Variants in LPAR6 observed in about 807,000 individuals in gnomAD.
LPAR6 encodes G-protein coupled purinergic receptor P2Y5.
In LPAR6, 17 loss-of-function variants were observed where a neutral mutation model predicts 22.0. That is an observed-to-expected ratio of 0.77 (90% CI 0.53 to 1.16). The LOEUF (loss-of-function observed/expected upper bound fraction) is 1.16. Ranked by LOEUF, LPAR6 falls within the 50% of genes most tolerant of loss-of-function variation. The pLI is 0.00. For synonymous variants in LPAR6, 136 were observed against 139.8 expected, an observed-to-expected ratio of 0.97 and a Z score of 0.19; for missense variants, 384 against 406.9, an observed-to-expected ratio of 0.94 and a Z score of 0.48.
intron 2 of LPAR6, among the ~76,000 whole-genome samples, chr13:48,420,647 C>T (rs1948991309): frequency 6.6e-6 from 1 of 152,166 alleles, no homozygotes; most frequent in South Asian, 2.1e-4. Context: ...CCCATTATCT[C>T]AGCCCAAAAT....
upstream of LPAR6, among the ~76,000 whole-genome samples, chr13:48,413,896 T>G (rs1176315229): frequency 6.6e-6 from 1 of 152,184 alleles, no homozygotes; most frequent in Non-Finnish European, 1.5e-5. Flanking sequence ...ATCCTACTAC[T>G]TGGCAAAATT....
At chr13:48,393,171 G>A (rs1473770915) in intron 1 of LPAR6, among the ~76,000 whole-genome samples, 1 of 152,180 alleles carries the variant, frequency 6.6e-6, no homozygotes, top group African/African-American at 2.4e-5. Flanking sequence ...CCCTGGTTTT[G>A]AGTAGTATCA....
chr13:48,438,966 G>C, intron 1 of LPAR6, among the ~76,000 whole-genome samples: 1 of 152,186 alleles, frequency 6.6e-6, no homozygotes, highest in East Asian at 1.9e-4. Flanking sequence ...GAATGGATCA[G>C]TGAATGAATG....
At chr13:48,427,077 T>G (rs1390504713), upstream of LPAR6, among the ~76,000 whole-genome samples, 1 of 152,232 alleles carries the variant, frequency 6.6e-6, no homozygotes, top group Non-Finnish European at 1.5e-5. Context: ...AAGGGGGTGG[T>G]GCTAAACCAT....
At chr13:48,409,288 G>A (rs894297623), downstream of LPAR6, among the ~76,000 whole-genome samples, 1 of 151,368 alleles carries the variant, frequency 6.6e-6, no homozygotes, top group African/African-American at 2.4e-5. Context: ...TTATCTAAAG[G>A]AAACCATGGA....
At chr13:48,442,652 C>A (rs879588217) in intron 1 of LPAR6, among the ~76,000 whole-genome samples, 6 of 152,098 alleles carry the variant, frequency 3.9e-5, no homozygotes, top group Non-Finnish European at 8.8e-5. Context: ...TCTGTTAACA[C>A]CTCATTCAGA....
intron 1 of LPAR6, among the ~76,000 whole-genome samples, chr13:48,437,110 C>A (rs1475938795): frequency 1.3e-5 from 2 of 152,144 alleles, no homozygotes; most frequent in Non-Finnish European, 2.9e-5. Flanking sequence ...TCTACTTTTT[C>A]TATCAATATT....
At chr13:48,437,794 C>T (rs1037199996) in intron 1 of LPAR6, among the ~76,000 whole-genome samples, 1 of 152,198 alleles carries the variant, frequency 6.6e-6, no homozygotes, top group Non-Finnish European at 1.5e-5. Context: ...ATCACTTCTG[C>T]CCTATGTCAT....
At chr13:48,430,805 T>C (rs779662773), upstream of LPAR6, among the ~76,000 whole-genome samples, 24 of 151,586 alleles carry the variant, frequency 1.6e-4, no homozygotes, top group Non-Finnish European at 3.2e-4. Flanking sequence ...GGCTCACACC[T>C]GTAATCCCAG....
downstream of LPAR6, among the ~76,000 whole-genome samples, chr13:48,407,373 G>A (rs1948749687): frequency 6.6e-6 from 1 of 152,176 alleles, no homozygotes. Flanking sequence ...AGGAAGGTAG[G>A]AGAGGCTTAA....
intron 1 of LPAR6, chr13:48,404,277 A>AATAGGAAAG (rs1255756204): frequency 6.6e-6 from 1 of 152,220 alleles, no homozygotes; most frequent in African/African-American, 2.4e-5. Flanking sequence ...AAGAAAAAGA[A>AATAGGAAAG]ATAGGAAAGG....
At chr13:48,426,161 G>T (rs1949076970) in intron 1 of LPAR6, among the ~76,000 whole-genome samples, 1 of 152,118 alleles carries the variant, frequency 6.6e-6, no homozygotes, top group South Asian at 2.1e-4. Flanking sequence ...ATGCCCTTTT[G>T]ACCTTATGAA....
chr13:48,410,512 A>G (rs537493931), downstream of LPAR6, among the ~76,000 whole-genome samples: 4 of 152,298 alleles, frequency 2.6e-5, no homozygotes, highest in South Asian at 8.3e-4. Context: ...AATGCCAAGT[A>G]CTATATTTCA....
intron 1 of LPAR6, among the ~76,000 whole-genome samples, chr13:48,423,100 A>G (rs1003387661): frequency 6.6e-6 from 1 of 152,168 alleles, no homozygotes; most frequent in Non-Finnish European, 1.5e-5. Context: ...ATTTTACTCC[A>G]TCCTGAGTGA....
intron 1 of LPAR6, among the ~76,000 whole-genome samples, chr13:48,440,494 G>C (rs1949226545): frequency 6.6e-6 from 1 of 152,126 alleles, no homozygotes; most frequent in Non-Finnish European, 1.5e-5. Flanking sequence ...TACATGCATA[G>C]CCTGATGGGC....
At chr13:48,397,059 A>T (rs1394681952) in intron 1 of LPAR6, among the ~76,000 whole-genome samples, 3 of 152,242 alleles carry the variant, frequency 2.0e-5, no homozygotes, top group Non-Finnish European at 4.4e-5. Flanking sequence ...AGTGTAAATT[A>T]GTTCAACCAT....
chr13:48,402,773 G>A (rs1299211229), intron 1 of LPAR6, among the ~76,000 whole-genome samples: 2 of 152,016 alleles, frequency 1.3e-5, no homozygotes, highest in Non-Finnish European at 2.9e-5. Context: ...ATTGAATCAT[G>A]TGTGTTTCAG....
Position 48,392,941 on chromosome 13 carries a change from T to A in LPAR6, n.115-3129A>T, listed in dbSNP as rs144842158. Among the ~76,000 whole-genome samples, 846 of 152,338 alleles carry A rather than the reference T, an allele frequency of 5.6e-3. 5 individuals carry two copies. The highest frequency in any genetic ancestry group is 0.01 in the Middle Eastern group (3 of 294). On this transcript the variant is annotated intron_variant and non_coding_transcript_variant, in intron 1 of 1. Coordinates refer to the LPAR6 transcript ENST00000462781. ...TTATCTGGAAATAATTTGACTTTTTTAAGGCTTCATTTATTTATTTATCTG... is the reference window on the plus strand; with the variant it reads ...TTATCTGGAAATAATTTGACTTTTTAAAGGCTTCATTTATTTATTTATCTG...
downstream of LPAR6, among the ~76,000 whole-genome samples, chr13:48,408,151 A>G (rs756709471): frequency 7.9e-5 from 12 of 152,222 alleles, no homozygotes; most frequent in Non-Finnish European, 1.3e-4. Context: ...ACCAATATCT[A>G]TAATTAAGAT....
Sources: gnomAD v4.1 joint callset for allele counts (sites outside exome capture counted in the v4.1 genomes callset) on GRCh38, gnomAD v4.1.1 for gene constraint, MANE v1.5 for transcripts, NCBI Gene and HGNC (gene_info 2026-07-23, HGNC 2026-07-21) for gene names.